Variants in DLG2 observed in about 807,000 individuals in gnomAD.
The protein encoded by DLG2 is disks large homolog 2.
In DLG2, 45 loss-of-function variants were observed where a neutral mutation model predicts 132.5. That is an observed-to-expected ratio of 0.34 (90% CI 0.27 to 0.44). The LOEUF is 0.44. DLG2 is among the 20% of genes least tolerant of loss of function. The pLI is 1.00. For missense variants in DLG2, 1,045 were observed against 1,196.9 expected (o/e 0.87, Z 1.87); for synonymous variants, 424 against 419.6 (o/e 1.01, Z -0.13).
chr11:84,828,099 C>T (rs1049395001), intron 6 of DLG2, among the ~76,000 whole-genome samples: 3 of 151,646 alleles, frequency 2.0e-5, no homozygotes, highest in South Asian at 2.1e-4. Context: ...AATTGAATGT[C>T]CAATAGCCAT....
At chr11:83,682,789 G>C (rs1330789930) in intron 18 of DLG2, among the ~76,000 whole-genome samples, 2 of 152,120 alleles carry the variant, frequency 1.3e-5, no homozygotes, top group African/African-American at 4.8e-5. Flanking sequence ...CCAGAGATCA[G>C]AGAGACTAAA....
chr11:83,772,735 A>T (rs1049779342), intron 18 of DLG2, among the ~76,000 whole-genome samples: 6 of 152,170 alleles, frequency 3.9e-5, no homozygotes, highest in African/African-American at 1.4e-4. Flanking sequence ...TTCATTCCTT[A>T]ACTCCCCAGG....
At chr11:85,469,150 G>T (rs2092904841) in intron 3 of DLG2, among the ~76,000 whole-genome samples, 1 of 152,180 alleles carries the variant, frequency 6.6e-6, no homozygotes, top group Non-Finnish European at 1.5e-5. Context: ...CCATCAGCAA[G>T]TCCTATCAGC....
chr11:85,383,836 T>C (rs528959305), intron 3 of DLG2, among the ~76,000 whole-genome samples: 3 of 152,296 alleles, frequency 2.0e-5, no homozygotes, highest in Admixed American at 2.0e-4. Context: ...CCCTATAGGC[T>C]TCCCACACTT....
intron 18 of DLG2, among the ~76,000 whole-genome samples, chr11:83,762,757 A>G (rs1424145407): frequency 1.3e-5 from 2 of 151,822 alleles, no homozygotes; most frequent in Non-Finnish European, 2.9e-5. Context: ...ATTTTTTTGT[A>G]TTTTTAGTAG....
chr11:85,315,118 A>ATCTT (rs1378201600), intron 3 of DLG2, among the ~76,000 whole-genome samples: 5 of 152,006 alleles, frequency 3.3e-5, no homozygotes, highest in Non-Finnish European at 7.4e-5. Flanking sequence ...ATAAAATAAG[A>ATCTT]TTCCAGCCTG....
chr11:83,980,623 T>A lies in DLG2; in HGVS notation c.939A>T (p.Ala313=), dbSNP rs775765959. ...KGPKGLGFSI[A]GGVGNQHIPG... ...GAATGTGTTGGTTCCCCACACCTCCTGCAATACTGAAGCCTAAACCTATAA... is the reference window on the plus strand; with the variant it reads ...GAATGTGTTGGTTCCCCACACCTCCAGCAATACTGAAGCCTAAACCTATAA... Residue 313 remains alanine (A), a synonymous_variant, in exon 12 of 28, where the codon GCA becomes GCT. Coordinates refer to ENST00000376104, the MANE Select transcript of DLG2 (RefSeq NM_001142699.3). 6.2e-6 allele frequency: 10 copies of A among 1,612,564 alleles called. No homozygotes were observed. The South Asian group carries it at 8.8e-5, about 14-fold the overall frequency.
chr11:85,094,492 C>A (rs756020564), intron 6 of DLG2, among the ~76,000 whole-genome samples: 1 of 152,190 alleles, frequency 6.6e-6, no homozygotes, highest in African/African-American at 2.4e-5. Context: ...TTAGCTAGAT[C>A]TTCTGGATAA....
At chr11:83,516,077 C>T (rs956138558) in intron 21 of DLG2, among the ~76,000 whole-genome samples, 2 of 152,124 alleles carry the variant, frequency 1.3e-5, no homozygotes, top group African/African-American at 4.8e-5. Context: ...TCCTGGATAT[C>T]CTTGTTAATT....
intron 18 of DLG2, among the ~76,000 whole-genome samples, chr11:83,653,518 C>G (rs1356171988): frequency 6.6e-6 from 1 of 152,158 alleles, no homozygotes; most frequent in Non-Finnish European, 1.5e-5. Flanking sequence ...CCTTGGGCCC[C>G]TGAGAATTCC....
intron 17 of DLG2, among the ~76,000 whole-genome samples, chr11:83,811,411 C>G (rs1401155109): frequency 6.6e-6 from 1 of 151,908 alleles, no homozygotes; most frequent in African/African-American, 2.4e-5. Context: ...TCAACTTGAC[C>G]TACAGAAATG....
chr11:84,753,026 G>C (rs1052627022), intron 6 of DLG2, among the ~76,000 whole-genome samples: 1 of 152,088 alleles, frequency 6.6e-6, no homozygotes, highest in African/African-American at 2.4e-5. Flanking sequence ...TTTTCAGGAA[G>C]GGGTATTTGA....
chr11:84,045,820 T>A (rs974845254), intron 11 of DLG2, among the ~76,000 whole-genome samples: 1 of 151,334 alleles, frequency 6.6e-6, no homozygotes. Context: ...GAACTGGGGG[T>A]CTTAATCTAA....
chr11:84,710,428 A>G (rs892292687), intron 6 of DLG2, among the ~76,000 whole-genome samples: 11 of 152,006 alleles, frequency 7.2e-5, no homozygotes, highest in Non-Finnish European at 1.6e-4. Flanking sequence ...CATAATGAGG[A>G]TACTTGAGAC....
rs2051652491 is a variant in DLG2, at chr11:83,823,906, G to A, written c.1722+9708C>T. Among the ~76,000 whole-genome samples, 2 of 152,154 alleles carry A rather than the reference G, an allele frequency of 1.3e-5. 1 individual carries two copies. The highest frequency in any genetic ancestry group is 3.9e-4 in the East Asian group (2 of 5,178). On this transcript the variant is annotated intron_variant, in intron 17 of 27. Transcript: ENST00000376104. ...ATGCTTTTTTCATTAACTAGACTTT[G>A]AGTATGGACTGCCTCAGACATAAGT...
At chr11:85,283,345 A>G (rs567638437) in intron 4 of DLG2, among the ~76,000 whole-genome samples, 1 of 152,000 alleles carries the variant, frequency 6.6e-6, no homozygotes, top group Non-Finnish European at 1.5e-5. Context: ...GAGAATACTT[A>G]ACTAGTCCTA....
intron 6 of DLG2, among the ~76,000 whole-genome samples, chr11:84,679,879 T>C (rs1057383988): frequency 5.9e-5 from 9 of 152,140 alleles, no homozygotes; most frequent in Non-Finnish European, 1.0e-4. Flanking sequence ...GGACAATTTA[T>C]TCATGTAACA....
chr11:84,302,844 T>G (rs1157323303), intron 7 of DLG2, among the ~76,000 whole-genome samples: 1 of 152,090 alleles, frequency 6.6e-6, no homozygotes, highest in Non-Finnish European at 1.5e-5. Context: ...CTCAGCACTT[T>G]GGGAGACCGA....
chr11:84,909,419 T>C (rs985142865), intron 6 of DLG2, among the ~76,000 whole-genome samples: 2 of 152,206 alleles, frequency 1.3e-5, no homozygotes, highest in Non-Finnish European at 2.9e-5. Flanking sequence ...GCTATGTGAC[T>C]TTGGGTATGC....
Sources: allele counts gnomAD v4.1 joint callset (sites outside exome capture counted in the v4.1 genomes callset), GRCh38; gene constraint gnomAD v4.1.1; transcripts MANE v1.5; gene names NCBI Gene and HGNC (gene_info 2026-07-23, HGNC 2026-07-21).